The following SCAPER variants were observed in gnomAD, a reference collection of about 807,000 sequenced individuals.
SCAPER encodes S phase cyclin A-associated protein in the endoplasmic reticulum.
Under a neutral mutation model 182.2 loss-of-function variants are expected in SCAPER, and 98 were observed. That is an observed-to-expected ratio of 0.54 (90% confidence interval 0.46 to 0.64). The LOEUF (loss-of-function observed/expected upper bound fraction) is 0.64. Ranked by LOEUF, SCAPER falls within the 30% of genes least tolerant of loss-of-function variation. SCAPER has a pLI of 0.00. For missense variants in SCAPER, 1,432 were observed against 1,690.0 expected (o/e 0.85, Z 2.68); for synonymous variants, 605 against 564.6 (o/e 1.07, Z -1.01).
intron 24 of SCAPER, among the ~76,000 whole-genome samples, chr15:76,498,896 G>C (rs1356875256): frequency 6.6e-6 from 1 of 152,078 alleles, no homozygotes; most frequent in African/African-American, 2.4e-5. Flanking sequence ...TGCTTGGTCT[G>C]GGTAGCATGG....
At chr15:76,601,206 G>C (rs1254013257) in intron 22 of SCAPER, among the ~76,000 whole-genome samples, 2 of 121,570 alleles carry the variant, frequency 1.6e-5, no homozygotes, top group African/African-American at 5.0e-5. Flanking sequence ...TCCATCTAAT[G>C]ATACGTATGT....
chr15:76,747,860 A>G (rs750215933), intron 15 of SCAPER, among the ~76,000 whole-genome samples: 14 of 151,924 alleles, frequency 9.2e-5, no homozygotes, highest in Non-Finnish European at 1.5e-4. Flanking sequence ...AGCTAAATAA[A>G]CCTCTTTTCT....
intron 27 of SCAPER, among the ~76,000 whole-genome samples, chr15:76,384,249 C>T (rs1035527128): frequency 4.6e-5 from 7 of 152,220 alleles, no homozygotes; most frequent in Admixed American, 2.6e-4. Context: ...CTGGTGACAA[C>T]AGTTTTACTG....
At chr15:76,854,261 C>T (rs558592962) in intron 4 of SCAPER, among the ~76,000 whole-genome samples, 46 of 151,918 alleles carry the variant, frequency 3.0e-4, no homozygotes, top group Middle Eastern at 3.4e-3. Flanking sequence ...GAGCAAGACT[C>T]CATCTCAAAA....
At chr15:76,694,780 TAAGA>T (rs757221902) in intron 20 of SCAPER, among the ~76,000 whole-genome samples, 9 of 152,104 alleles carry the variant, frequency 5.9e-5, no homozygotes, top group Non-Finnish European at 1.3e-4. Flanking sequence ...AGAAAAATCA[TAAGA>T]TATTTTAACA....
intron 5 of SCAPER, among the ~76,000 whole-genome samples, chr15:76,821,492 C>T (rs757128394): frequency 3.9e-5 from 6 of 152,060 alleles, no homozygotes; most frequent in Non-Finnish European, 7.3e-5. Context: ...CATAGTGGTG[C>T]GTGCCTGTAG....
In SCAPER at chr15:76,817,753, A is replaced by G. The variant is rs763398413; in HGVS notation, c.394-13120T>C. On this transcript the variant is annotated intron_variant, in intron 5 of 31. Coordinates refer to ENST00000563290, the MANE Select transcript of SCAPER (RefSeq NM_020843.4). ...TAACACCCCAAAATATGAAATACTT[A>G]GGTATAAAACTAACAAAATATGTAT... is the stretch of plus-strand genomic sequence containing the variant. Among the ~76,000 whole-genome samples the G allele has an allele frequency of 1.8e-4, 27 of 152,208 alleles. 1 individual carries two copies. Among genetic ancestry groups the G allele is most frequent in the Admixed American group, 1.1e-3 (17 of 15,276 alleles).
intron 25 of SCAPER, among the ~76,000 whole-genome samples, chr15:76,465,882 T>G (rs759301626): frequency 1.6e-4 from 24 of 152,116 alleles, no homozygotes; most frequent in Non-Finnish European, 3.2e-4. Context: ...AATTGGCCCT[T>G]TGAATATATC....
intron 31 of SCAPER, chr15:76,349,543 A>G (rs1342791261): frequency 1.3e-5 from 2 of 152,160 alleles, no homozygotes; most frequent in Non-Finnish European, 2.9e-5. Context: ...TTTTATATTT[A>G]AAGGTTTACC....
intron 3 of SCAPER, among the ~76,000 whole-genome samples, chr15:76,858,948 C>T (rs1241230302): frequency 6.6e-6 from 1 of 152,136 alleles, no homozygotes; most frequent in East Asian, 1.9e-4. Context: ...ATACATGTAT[C>T]TTTATGGTAG....
intron 4 of SCAPER, among the ~76,000 whole-genome samples, chr15:76,848,065 T>C (rs1272468179): frequency 6.6e-6 from 1 of 152,178 alleles, no homozygotes; most frequent in East Asian, 1.9e-4. Context: ...TGGAGTGCAA[T>C]GGCGTGATCT....
In SCAPER at chr15:76,757,124, A is replaced by G. The variant is rs141021616; in HGVS notation, c.1726-3176T>C. 1.2e-3 allele frequency among the ~76,000 whole-genome samples: 187 copies of G among 152,360 alleles called. 2 individuals are homozygous for G. Among genetic ancestry groups the G allele is most frequent in the Non-Finnish European group, 1.2e-3 (83 of 68,042 alleles). Reference sequence around the variant, plus strand: ...CATTCATAGACTTTCTAATGAAGGAATATCTTTGAATTCCAGGAATAAACC... The same window carrying G: ...CATTCATAGACTTTCTAATGAAGGAGTATCTTTGAATTCCAGGAATAAACC... On this transcript the variant is annotated intron_variant, in intron 14 of 31. Transcript: ENST00000563290.
chr15:76,742,466 TAAA>T lies in SCAPER; in HGVS notation c.1867-9085_1867-9083del, dbSNP rs55751202. Among the ~76,000 whole-genome samples, 307 of 36,998 alleles carry T rather than the reference TAAA, an allele frequency of 8.3e-3. 2 individuals carry two copies. The highest frequency in any genetic ancestry group is 0.024 in the African/African-American group (238 of 9,956). 24.3% of individuals were successfully genotyped at this position (36,998 alleles called of 152,430 possible). On this transcript the variant is annotated intron_variant, in intron 15 of 31. Transcript: ENST00000563290. ...GGAATAAGAAACAGGTGTCTTTTCC[TAAA>T]AAAAAAAAAAAAAAAAAAAAAAAAA...
chr15:76,888,547 G>A (rs1020577873), intron 1 of SCAPER, among the ~76,000 whole-genome samples: 3 of 152,070 alleles, frequency 2.0e-5, no homozygotes, highest in Admixed American at 6.6e-5. Flanking sequence ...CTCAGCAGCC[G>A]ATTCAATCAA....
chr15:76,625,422 G>C (rs1280972618), intron 21 of SCAPER, among the ~76,000 whole-genome samples: 1 of 152,132 alleles, frequency 6.6e-6, no homozygotes, highest in Non-Finnish European at 1.5e-5. Flanking sequence ...TTCATTCTTG[G>C]ACGTATGAAG....
In SCAPER at chr15:76,874,616, C is replaced by T. The variant is rs111357191; in HGVS notation, c.6+9196G>A. Among the ~76,000 whole-genome samples the T allele has an allele frequency of 3.9e-3, 598 of 152,124 alleles. 4 individuals are homozygous for T. Among genetic ancestry groups the T allele is most frequent in the African/African-American group, 0.013 (549 of 41,520 alleles). ...TTAAAAAGAAAGATCACTACAGATC[C>T]TAGAAACCTCCACACATCAAAAAGA... On this transcript the variant is annotated intron_variant, in intron 2 of 31. Transcript: ENST00000563290.
At chr15:76,708,484 C>T (rs528715696) in intron 17 of SCAPER, among the ~76,000 whole-genome samples, 2 of 149,566 alleles carry the variant, frequency 1.3e-5, no homozygotes, top group South Asian at 4.2e-4. Flanking sequence ...AAAGAAAAAA[C>T]AAAAAAGAAA....
At chr15:76,457,887 A>G (rs893802513) in intron 25 of SCAPER, among the ~76,000 whole-genome samples, 9 of 151,816 alleles carry the variant, frequency 5.9e-5, no homozygotes, top group African/African-American at 2.2e-4. Flanking sequence ...GAAGATAGAA[A>G]TTTTCACTGG....
intron 27 of SCAPER, among the ~76,000 whole-genome samples, chr15:76,391,590 T>C (rs185296000): frequency 1.3e-5 from 2 of 152,228 alleles, no homozygotes; most frequent in Non-Finnish European, 2.9e-5. Context: ...AAGAAGAACA[T>C]GAGATGTGGG....
Sources: allele counts gnomAD v4.1 joint callset (sites outside exome capture counted in the v4.1 genomes callset), GRCh38; gene constraint gnomAD v4.1.1; transcripts MANE v1.5; gene names NCBI Gene and HGNC (gene_info 2026-07-23, HGNC 2026-07-21).